ZNF496: variants seen among roughly 807,000 people sequenced by gnomAD.
The protein encoded by ZNF496 is zinc finger protein 496.
In ZNF496, 11 loss-of-function variants were observed where a neutral mutation model predicts 58.9. The observed-to-expected ratio is 0.19, with a 90% CI of 0.12 to 0.31. The LOEUF (loss-of-function observed/expected upper bound fraction) is 0.31. Ranked by LOEUF, ZNF496 falls within the 10% of genes least tolerant of loss-of-function variation. The probability of loss-of-function intolerance (pLI) is 1.00; values close to 1 mark genes in which losing one functional copy is unlikely to be tolerated. For missense variants in ZNF496, 660 were observed against 783.0 expected, an observed-to-expected ratio of 0.84 and a Z score of 1.88; for synonymous variants, 338 against 318.2, an observed-to-expected ratio of 1.06 and a Z score of -0.66.
rs1355866979 is a variant in ZNF496 at position 247,299,049 on chromosome 1, G to A, written c.*1470C>T. ...CTGCCTTTGATGGAATTGTGAGCAAGCTCACTCAAGTTTGTATTGACTCAT... is the reference window on the plus strand; with the variant it reads ...CTGCCTTTGATGGAATTGTGAGCAAACTCACTCAAGTTTGTATTGACTCAT... On this transcript the variant is annotated 3_prime_UTR_variant, in exon 10 of 10. Transcript: ENST00000682384. 6.6e-6 allele frequency: 1 copy of A among 152,222 alleles called. No individual in the cohort carries two copies. Among genetic ancestry groups the A allele is most frequent in the African/African-American group, 2.4e-5 (1 of 41,454 alleles). 9.4% of individuals were successfully genotyped at this position (152,222 alleles called of 1,614,324 possible). A position where few individuals can be genotyped will look rare whatever the true frequency, so the allele number is the denominator to read the frequency against.
chr1:247,328,516 TTGCTCTAGGAAGGGACTCAG>T (rs1047345901), intron 5 of ZNF496, among the ~76,000 whole-genome samples, 147 bp downstream of exon 5: 1 of 152,128 alleles, frequency 6.6e-6, no homozygotes, highest in Admixed American at 6.5e-5. Flanking sequence ...TCTCATTTAA[TTGCTCTAGGAAGGGACTCAG>T]ACCCTGACAA....
In ZNF496 at chr1:247,329,487, G is replaced by A. The variant is rs1169483192; in HGVS notation, c.92C>T (p.Pro31Leu). ...CTCGGGGCTGGGAAGCTCCCCCTGG[G>A]GGCTAGGGTTCTCTCCAGGTGGGCT... ...MRSPPGENPSPQGELPSPESS... is the reference protein window; with the variant it reads ...MRSPPGENPSLQGELPSPESS... The change falls in exon 4 of 10, where the codon CCC becomes CTC. Residue 31 changes from proline to leucine, a missense_variant. Physicochemically the swap from Pro to Leu is moderately conservative, Grantham distance 98. Coordinates refer to ENST00000682384, the MANE Select transcript of ZNF496 (RefSeq NM_032752.3). The surrounding 1 kb of genome is among the most constrained non-coding windows in gnomAD (Gnocchi z 5.5). 1 of 1,603,702 alleles carries A rather than the reference G, an allele frequency of 6.2e-7. No individual in the cohort carries two copies. The highest frequency in any genetic ancestry group is 8.5e-7 in the Non-Finnish European group (1 of 1,176,606).
chr1:247,309,321 G>C lies in ZNF496; in HGVS notation c.892+378C>G. 1.0e-6 allele frequency: 1 copy of C among 979,996 alleles called. No homozygotes were observed. 60.7% of individuals were successfully genotyped at this position (979,996 alleles called of 1,614,324 possible). On this transcript the variant is annotated intron_variant, in intron 8 of 9. Transcript: ENST00000682384. The surrounding 1 kb of genome is among the most constrained non-coding windows in gnomAD (Gnocchi z 4.3). ...GACTAGACAGGTGAGGCACCTCAAA[G>C]GGCTGCGCTCGGTGCCCAGTTAGGA...
At chr1:247,316,388 G>C (rs1321905646) in intron 6 of ZNF496, among the ~76,000 whole-genome samples, 4 of 152,110 alleles carry the variant, frequency 2.6e-5, no homozygotes, top group Non-Finnish European at 5.9e-5. Flanking sequence ...CTGGAAACTT[G>C]ATCCCCCATG....
At chr1:247,302,310 C>G (rs950706304) in intron 9 of ZNF496, among the ~76,000 whole-genome samples, 1 of 151,770 alleles carries the variant, frequency 6.6e-6, no homozygotes, top group Non-Finnish European at 1.5e-5. Context: ...GACACAGAGG[C>G]TATGGAGAGC....
At chr1:247,322,503 GTGTT>G (rs1659993070) in intron 6 of ZNF496, among the ~76,000 whole-genome samples, 2 of 152,178 alleles carry the variant, frequency 1.3e-5, no homozygotes, top group African/African-American at 4.8e-5. Context: ...CCAGTGGAAA[GTGTT>G]AGGAGGGAAA....
rs572881164 is a variant in ZNF496, at chr1:247,317,048, G to C, written c.651+6106C>G. Among the ~76,000 whole-genome samples the C allele has an allele frequency of 2.2e-4, 33 of 152,212 alleles. No individual in the cohort carries two copies. In the East Asian group the frequency reaches 6.0e-3, roughly 28 times the overall value. ...CATTTTGTTAATTTTTCACGAGAAG[G>C]GATGGGCAAGATAGATAAACATGTC... On this transcript the variant is annotated intron_variant, in intron 6 of 9. Transcript: ENST00000682384.
intron 2 of ZNF496, among the ~76,000 whole-genome samples, 165 bp downstream of exon 2, chr1:247,331,267 A>G (rs995810148): frequency 1.7e-4 from 26 of 152,316 alleles, no homozygotes; most frequent in African/African-American, 6.0e-4. Flanking sequence ...AGGGCCCCGC[A>G]GGGGCGGAGC....
chr1:247,308,905 TCTA>T lies in ZNF496; in HGVS notation c.893-320_893-318del. On this transcript the variant is annotated intron_variant, in intron 8 of 9. Coordinates refer to ENST00000682384, the MANE Select transcript of ZNF496 (RefSeq NM_032752.3). The surrounding 1 kb of genome is among the most constrained non-coding windows in gnomAD (Gnocchi z 4.5). Reference sequence around the variant, plus strand: ...TATTCCCACTTTCTGTGGTGGGTTTTCTATAGTCATCACCACAGGCTCCTGCAC... The same window carrying T: ...TATTCCCACTTTCTGTGGTGGGTTTTTAGTCATCACCACAGGCTCCTGCAC... 3.1e-5 allele frequency: 11 copies of T among 356,224 alleles called. No homozygotes were observed. Among genetic ancestry groups the T allele is most frequent in the South Asian group, 6.9e-5 (3 of 43,360 alleles). 22.1% of individuals were successfully genotyped at this position (356,224 alleles called of 1,614,324 possible).
At chr1:247,305,491 G>A (rs1450387596) in intron 9 of ZNF496, among the ~76,000 whole-genome samples, 1 of 152,220 alleles carries the variant, frequency 6.6e-6, no homozygotes, top group Non-Finnish European at 1.5e-5. Context: ...CAGCCAGGCT[G>A]CTGCAAGTGC....
chr1:247,317,910 A>G (rs1045120336), intron 6 of ZNF496, among the ~76,000 whole-genome samples: 36 of 152,260 alleles, frequency 2.4e-4, no homozygotes, highest in African/African-American at 8.7e-4. Flanking sequence ...GGTGACAGAT[A>G]CGTTAGAACT....
At chr1:247,313,490 G>A (rs1018172735) in intron 6 of ZNF496, 1 of 152,252 alleles carries the variant, frequency 6.6e-6, no homozygotes, top group Non-Finnish European at 1.5e-5. Context: ...CAAGGATGTG[G>A]AGAAACAGGT....
Position 247,298,046 on chromosome 1 carries a change from G to GCT in ZNF496, c.*2472_*2473insAG, listed in dbSNP as rs944963808. 6.6e-6 allele frequency: 1 copy of GCT among 152,206 alleles called. No individual in the cohort carries two copies. The highest frequency in any genetic ancestry group is 6.5e-5 in the Admixed American group (1 of 15,280). The allele number at this position is 152,206 out of a possible 1,614,324, so 9.4% of individuals were successfully genotyped here. ...AGCTACAGAGAGAATCCTCAGCACA[G>GCT]GTAGGAGCACACAGGTAGGTGGGGT... On this transcript the variant is annotated 3_prime_UTR_variant, in exon 10 of 10. Transcript: ENST00000682384.
intron 5 of ZNF496, among the ~76,000 whole-genome samples, chr1:247,325,593 T>C (rs1209904049): frequency 6.6e-6 from 1 of 152,196 alleles, no homozygotes; most frequent in East Asian, 1.9e-4. Context: ...TGCTGTACCA[T>C]AGATCTCCAG....
At chr1:247,322,220 C>T (rs1406315188) in intron 6 of ZNF496, among the ~76,000 whole-genome samples, 1 of 152,102 alleles carries the variant, frequency 6.6e-6, no homozygotes, top group Non-Finnish European at 1.5e-5. Flanking sequence ...GAGTTTGAGG[C>T]TGCAGTGAAC....
chr1:247,330,810 GGGCCTCA>G (rs1215853438), intron 2 of ZNF496, among the ~76,000 whole-genome samples: 1 of 152,228 alleles, frequency 6.6e-6, no homozygotes, highest in Non-Finnish European at 1.5e-5. Context: ...AGGGGGACTC[GGGCCTCA>G]CTCCCATTTC....
rs201811036 is a variant in ZNF496 at position 247,308,543 on chromosome 1, C to A, written c.938G>T (p.Arg313Leu). The A allele has an allele frequency of 5.7e-5, 92 of 1,614,052 alleles. No individual in the cohort carries two copies. Among genetic ancestry groups the A allele is most frequent in the Non-Finnish European group, 7.4e-5 (87 of 1,180,022 alleles). Reference protein sequence around the residue: ...QPFQVEERRKREELQVPEFQA... With the variant: ...QPFQVEERRKLEELQVPEFQA... ...GAACTCTGGCACCTGCAGCTCCTCA[C>A]GTTTCCTTCTTTCTTCTACCTGGAA... Residue 313 changes from arginine to leucine, a missense_variant, in exon 9 of 10, where the codon CGT (arginine) becomes CTT (leucine). Arg to Leu is a moderately radical substitution (Grantham distance 102). Transcript: ENST00000682384. This position sits in a 1 kb window ranked among gnomAD's most constrained non-coding sequence, Gnocchi z 4.5.
chr1:247,322,911 G>A (rs41268345), intron 6 of ZNF496: 279,573 of 832,626 alleles, frequency 0.34, 50,346 homozygotes, highest in Middle Eastern at 0.41. Context: ...TCCTGCTATC[G>A]TCTGCACAAA....
intron 5 of ZNF496, among the ~76,000 whole-genome samples, chr1:247,324,838 T>G (rs1660073155): frequency 6.6e-6 from 1 of 152,226 alleles, no homozygotes; most frequent in Admixed American, 6.5e-5. Context: ...AAGACCCTCA[T>G]ACAAAATGTA....
Sources: gnomAD v4.1 joint callset for allele counts (sites outside exome capture counted in the v4.1 genomes callset) on GRCh38, gnomAD v4.1.1 for gene constraint, Gnocchi (gnomAD v3.1) non-coding constraint, MANE v1.5 for transcripts, NCBI Gene and HGNC (gene_info 2026-07-23, HGNC 2026-07-21) for gene names.